The following GSE1 variants were observed in gnomAD, a reference collection of about 807,000 sequenced individuals.
GSE1 encodes the protein Gse1 coiled-coil protein.
In GSE1, 32 loss-of-function variants were observed where a neutral mutation model predicts 112.6. The observed-to-expected ratio is 0.28, with a 90% CI of 0.21 to 0.38. GSE1 has a LOEUF of 0.38. Ranked by LOEUF, GSE1 falls within the 10% of genes least tolerant of loss-of-function variation. GSE1 has a pLI of 1.00. For synonymous variants in GSE1, 1,115 were observed against 735.6 expected, an observed-to-expected ratio of 1.52 and a Z score of -8.35; for missense variants, 2,348 against 1,699.2, an observed-to-expected ratio of 1.38 and a Z score of -6.71.
chr16:85,604,742 CAAAAAAAA>C (rs36152099), intron 1 of GSE1, among the ~76,000 whole-genome samples: 2 of 606 alleles, frequency 3.3e-3, no homozygotes, highest in Non-Finnish European at 9.5e-3. Context: ...GAGATTCTGT[CAAAAAAAA>C]AAAAAAAAAA....
intron 2 of GSE1, among the ~76,000 whole-genome samples, chr16:85,636,687 CCG>C (rs1491335213): frequency 1.7e-5 from 1 of 60,556 alleles, no homozygotes; most frequent in Non-Finnish European, 2.8e-5. Context: ...CTGGGCCTTC[CCG>C]GGGGGGGGCT....
intron 2 of GSE1, among the ~76,000 whole-genome samples, chr16:85,515,844 TC>T (rs2051915195): frequency 6.6e-6 from 1 of 152,066 alleles, no homozygotes; most frequent in Non-Finnish European, 1.5e-5. Context: ...GCCGGTCCCC[TC>T]CTGCCTCTTC....
chr16:85,345,465 G>A (rs1360803118), intron 1 of GSE1, among the ~76,000 whole-genome samples: 1 of 152,108 alleles, frequency 6.6e-6, no homozygotes, highest in Non-Finnish European at 1.5e-5. Flanking sequence ...GGGCCATTGC[G>A]CTTGCTGTTC....
At chr16:85,652,697 T>C (rs2051473767) in intron 3 of GSE1, among the ~76,000 whole-genome samples, 3 of 152,210 alleles carry the variant, frequency 2.0e-5, no homozygotes, top group Non-Finnish European at 4.4e-5. Context: ...GCTATGAAGA[T>C]GGATGGGCCC....
At chr16:85,613,099 T>G (rs2048101165), upstream of GSE1, 96 of 795,238 alleles carry the variant, frequency 1.2e-4, no homozygotes, top group East Asian at 3.5e-4. Context: ...CGCCCGTCGG[T>G]GCGCGCGCGC....
chr16:85,247,473 C>G (rs950993781), intron 1 of GSE1, among the ~76,000 whole-genome samples: 1 of 152,164 alleles, frequency 6.6e-6, no homozygotes, highest in African/African-American at 2.4e-5. Context: ...CGGGCCTGAG[C>G]CAGAGAGGAG....
intron 1 of GSE1, among the ~76,000 whole-genome samples, chr16:85,591,373 G>C (rs1037633675): frequency 3.3e-5 from 5 of 152,236 alleles, no homozygotes; most frequent in Admixed American, 3.3e-4. Flanking sequence ...AGAAAGTGGG[G>C]AGATGAGGCT....
intron 2 of GSE1, among the ~76,000 whole-genome samples, chr16:85,511,117 C>T (rs937084339): frequency 1.2e-4 from 18 of 152,186 alleles, no homozygotes; most frequent in Admixed American, 2.0e-4. Flanking sequence ...GAACATTAGA[C>T]GGATGGAAGA....
chr16:85,674,986 G>C lies in GSE1; in HGVS notation c.*2447G>C, dbSNP rs988441017. ...CACGAATAAACTAAGAAAAAGGTAA[G>C]AACTGTCTCAAAAACGAAAGCACAC... On this transcript the variant is annotated 3_prime_UTR_variant, in exon 16 of 16. Transcript: ENST00000253458. The C allele has an allele frequency of 6.6e-6, 1 of 152,564 alleles. No homozygotes were observed. Among genetic ancestry groups the C allele is most frequent in the African/African-American group, 2.4e-5 (1 of 41,438 alleles). 9.5% of individuals were successfully genotyped at this position (152,564 alleles called of 1,614,324 possible). A position where few individuals can be genotyped will look rare whatever the true frequency, so the allele number is the denominator to read the frequency against.
chr16:85,461,768 C>G lies in GSE1; in HGVS notation c.2464+104125C>G, dbSNP rs116538705. 5.7e-3 allele frequency among the ~76,000 whole-genome samples: 862 copies of G among 152,246 alleles called. 11 individuals are homozygous for G. Among genetic ancestry groups the G allele is most frequent in the African/African-American group, 0.02 (813 of 41,526 alleles). On this transcript the variant is annotated intron_variant, in intron 2 of 2. Coordinates refer to the GSE1 transcript ENST00000637419. ...TTCAGAGCTGAGAGGCCTGGCCAGC[C>G]AGCCTCACTAGATCTCCTGCAGCTC...
chr16:85,278,530 C>G (rs1015764206), intron 1 of GSE1, among the ~76,000 whole-genome samples: 33 of 152,116 alleles, frequency 2.2e-4, no homozygotes, highest in African/African-American at 7.7e-4. Context: ...TGTTTGTTTA[C>G]CCCAGATTTT....
upstream of GSE1, among the ~76,000 whole-genome samples, chr16:85,553,980 T>C (rs947574498): frequency 1.3e-5 from 2 of 152,110 alleles, no homozygotes; most frequent in Non-Finnish European, 2.9e-5. Context: ...CCGCCGTGTG[T>C]ACCTGCGGGC....
At chr16:85,564,852 G>T (rs2045670405) in intron 1 of GSE1, among the ~76,000 whole-genome samples, 1 of 152,198 alleles carries the variant, frequency 6.6e-6, no homozygotes, top group South Asian at 2.1e-4. Flanking sequence ...GATGCATTAG[G>T]CCCAGTCCTT....
At chr16:85,208,409 C>T (rs1027401222) in intron 1 of GSE1, among the ~76,000 whole-genome samples, 2 of 152,180 alleles carry the variant, frequency 1.3e-5, no homozygotes, top group Non-Finnish European at 2.9e-5. Context: ...GCCTGGGGCT[C>T]GAGGGGCGTC....
At chr16:85,424,930 CAT>C (rs1224790529) in intron 2 of GSE1, among the ~76,000 whole-genome samples, 3 of 152,274 alleles carry the variant, frequency 2.0e-5, no homozygotes, top group Admixed American at 6.5e-5. Flanking sequence ...TTTATTTTAA[CAT>C]GTGTCAGGGC....
At chr16:85,446,869 C>T (rs2049529249) in intron 2 of GSE1, among the ~76,000 whole-genome samples, 1 of 152,146 alleles carries the variant, frequency 6.6e-6, no homozygotes. Context: ...CAACCCCGCT[C>T]CCGCTGTCCC....
chr16:85,286,893 C>G (rs1189416143), intron 1 of GSE1, among the ~76,000 whole-genome samples: 1 of 152,132 alleles, frequency 6.6e-6, no homozygotes, highest in Non-Finnish European at 1.5e-5. Flanking sequence ...AGTATGGGCT[C>G]CGTGGGCTAG....
Position 85,399,881 on chromosome 16 carries a change from G to A in GSE1, c.2464+42238G>A, listed in dbSNP as rs148959971. Among the ~76,000 whole-genome samples, 513 of 152,320 alleles carry A rather than the reference G, an allele frequency of 3.4e-3. 4 individuals carry two copies. The highest frequency in any genetic ancestry group is 0.012 in the African/African-American group (491 of 41,570). ...GATTAATATTACCATTAATATTGCT[G>A]AGAAGTCAAGACTGGCCAGGGCAGA... On this transcript the variant is annotated intron_variant, in intron 2 of 2. Coordinates refer to the GSE1 transcript ENST00000637419.
intron 2 of GSE1, among the ~76,000 whole-genome samples, chr16:85,497,164 G>A (rs2051208391): frequency 6.6e-6 from 1 of 152,240 alleles, no homozygotes; most frequent in Non-Finnish European, 1.5e-5. Context: ...CTCCCAAAGT[G>A]CTGGGATTAC....
Sources: allele counts gnomAD v4.1 joint callset (sites outside exome capture counted in the v4.1 genomes callset), GRCh38; gene constraint gnomAD v4.1.1; transcripts MANE v1.5; gene names NCBI Gene and HGNC (gene_info 2026-07-23, HGNC 2026-07-21).